PCDH15: variants seen among roughly 807,000 people sequenced by gnomAD.
The protein encoded by PCDH15 is protocadherin-15.
Under a neutral mutation model 178.5 loss-of-function variants are expected in PCDH15, and 129 were observed. That is an observed-to-expected ratio of 0.72 (90% confidence interval 0.63 to 0.84). The LOEUF (loss-of-function observed/expected upper bound fraction) is 0.84, where lower values mean the gene tolerates loss of function less well. Among genes scored for constraint, PCDH15 ranks in the 40% least tolerant of loss-of-function variants. The pLI is 0.00. For synonymous variants in PCDH15, 800 were observed against 732.0 expected, an observed-to-expected ratio of 1.09 and a Z score of -1.50; for missense variants, 2,230 against 2,099.9, an observed-to-expected ratio of 1.06 and a Z score of -1.21.
intron 2 of PCDH15, among the ~76,000 whole-genome samples, chr10:55,570,269 A>T (rs1011935585): frequency 1.3e-5 from 2 of 152,034 alleles, no homozygotes; most frequent in African/African-American, 4.8e-5. Flanking sequence ...AGAAAGACAA[A>T]CATTATTAAG....
At chr10:54,948,376 C>T (rs1259099121) in intron 2 of PCDH15, among the ~76,000 whole-genome samples, 1 of 151,752 alleles carries the variant, frequency 6.6e-6, no homozygotes, top group Admixed American at 6.6e-5. Flanking sequence ...TGGATGAGGC[C>T]CACCCACATT....
At chr10:54,049,574 T>A (rs1212921346) in intron 18 of PCDH15, among the ~76,000 whole-genome samples, 1 of 152,136 alleles carries the variant, frequency 6.6e-6, no homozygotes, top group Non-Finnish European at 1.5e-5. Context: ...GTTTTTATCA[T>A]GAGGAAATAT....
intron 8 of PCDH15, among the ~76,000 whole-genome samples, chr10:54,275,445 T>C (rs2058297422): frequency 6.6e-6 from 1 of 151,864 alleles, no homozygotes; most frequent in African/African-American, 2.4e-5. Context: ...CACAACAATC[T>C]AGATCCAGAG....
At chr10:54,525,003 T>G (rs187469425) in intron 3 of PCDH15, among the ~76,000 whole-genome samples, 1 of 152,344 alleles carries the variant, frequency 6.6e-6, no homozygotes, top group East Asian at 1.9e-4. Context: ...CTTCCAAGCA[T>G]GCACATATGT....
At chr10:55,431,671 C>A (rs1838883031) in intron 2 of PCDH15, among the ~76,000 whole-genome samples, 1 of 152,170 alleles carries the variant, frequency 6.6e-6, no homozygotes, top group Admixed American at 6.5e-5. Flanking sequence ...CATTGTCCCA[C>A]TAACTAAAAC....
rs551907281 is a variant in PCDH15 at position 55,451,247 on chromosome 10, C to G, written c.-156+176378G>C. 1.2e-3 allele frequency among the ~76,000 whole-genome samples: 190 copies of G among 152,106 alleles called. 2 individuals are homozygous for G. Among genetic ancestry groups the G allele is most frequent in the African/African-American group, 4.3e-3 (180 of 41,514 alleles). On this transcript the variant is annotated intron_variant, in intron 2 of 5. Coordinates refer to the PCDH15 transcript ENST00000613346. ...AGCGTGGTGGCTCACACCTGTAATC[C>G]CAGCACTTTGGGAGGCCAAGGTGGG...
intron 2 of PCDH15, among the ~76,000 whole-genome samples, chr10:54,583,108 C>T (rs2091183097): frequency 6.6e-6 from 1 of 151,996 alleles, no homozygotes. Flanking sequence ...TGCGTTATTA[C>T]TTGCCATAGT....
chr10:55,276,109 T>A (rs1592042422), intron 1 of PCDH15, among the ~76,000 whole-genome samples: 1 of 151,092 alleles, frequency 6.6e-6, no homozygotes, highest in African/African-American at 2.4e-5. Context: ...CTTAAAAAAA[T>A]TCGTATTAAT....
chr10:54,528,423 T>C (rs2132677360), intron 2 of PCDH15: 1 of 1,564,798 alleles, frequency 6.4e-7, no homozygotes, highest in Non-Finnish European at 8.7e-7. Flanking sequence ...AAGTATAGAG[T>C]CATCAATGGA....
chr10:55,261,945 A>G (rs1382475402), intron 1 of PCDH15, among the ~76,000 whole-genome samples: 1 of 151,792 alleles, frequency 6.6e-6, no homozygotes, highest in African/African-American at 2.4e-5. Context: ...ACAAATATGG[A>G]AAGCCTCTAA....
At chr10:54,201,725 A>T (rs2050249126) in intron 10 of PCDH15, among the ~76,000 whole-genome samples, 1 of 130,564 alleles carries the variant, frequency 7.7e-6, no homozygotes. Flanking sequence ...TTCCCATTCG[A>T]TAGATATTTA....
intron 1 of PCDH15, among the ~76,000 whole-genome samples, chr10:54,681,927 C>T (rs1056386312): frequency 6.6e-6 from 1 of 152,116 alleles, no homozygotes; most frequent in African/African-American, 2.4e-5. Context: ...ATCCTCCAGA[C>T]AGTGGTAATT....
At chr10:55,385,810 T>G (rs1837646471) in intron 2 of PCDH15, among the ~76,000 whole-genome samples, 1 of 148,812 alleles carries the variant, frequency 6.7e-6, no homozygotes, top group Non-Finnish European at 1.5e-5. Flanking sequence ...GATATGCATA[T>G]ATATGCATAT....
intron 3 of PCDH15, among the ~76,000 whole-genome samples, chr10:54,412,288 A>G (rs1345245328): frequency 1.3e-5 from 2 of 150,638 alleles, no homozygotes; most frequent in Non-Finnish European, 3.0e-5. Flanking sequence ...ATATATGTTA[A>G]GTAAAACAGA....
chr10:54,967,657 T>A (rs2131890501), intron 2 of PCDH15, among the ~76,000 whole-genome samples: 1 of 152,262 alleles, frequency 6.6e-6, no homozygotes, highest in Middle Eastern at 3.4e-3. Context: ...GTATTACAAA[T>A]AAAATTGTTA....
At chr10:54,633,943 T>C (rs930389228) in intron 2 of PCDH15, among the ~76,000 whole-genome samples, 2 of 152,114 alleles carry the variant, frequency 1.3e-5, no homozygotes, top group East Asian at 3.9e-4. Context: ...GAACTTTTCA[T>C]GACCCCATGC....
chr10:55,522,300 C>T (rs1021563785), intron 2 of PCDH15, among the ~76,000 whole-genome samples: 7 of 151,726 alleles, frequency 4.6e-5, no homozygotes, highest in Admixed American at 6.6e-5. Flanking sequence ...ATAGAGATGG[C>T]GAACACATTT....
intron 2 of PCDH15, chr10:54,528,473 T>G: frequency 1.7e-6 from 2 of 1,158,084 alleles, no homozygotes; most frequent in Non-Finnish European, 2.5e-6. Flanking sequence ...GAAGAGAGAA[T>G]ATATGTATAT....
intron 6 of PCDH15, among the ~76,000 whole-genome samples, chr10:54,339,993 C>A (rs543100918): frequency 4.0e-4 from 61 of 152,262 alleles, no homozygotes; most frequent in African/African-American, 1.4e-3. Context: ...TCTCCAACTG[C>A]AAGACCTCAT....
Sources: gnomAD v4.1 joint callset for allele counts (sites outside exome capture counted in the v4.1 genomes callset) on GRCh38, gnomAD v4.1.1 for gene constraint, MANE v1.5 for transcripts, NCBI Gene and HGNC (gene_info 2026-07-23, HGNC 2026-07-21) for gene names.